TMCC2: variants seen among roughly 807,000 people sequenced by gnomAD.
TMCC2 encodes transmembrane and coiled-coil domain family 2.
In TMCC2, 16 loss-of-function variants were observed where a neutral mutation model predicts 49.4. The ratio of observed to expected loss-of-function variants is 0.32; its 90% confidence interval spans 0.22 to 0.49. TMCC2 has a LOEUF of 0.49. Ranked by LOEUF, TMCC2 falls within the 20% of genes least tolerant of loss-of-function variation. The pLI, the probability that TMCC2 is intolerant of heterozygous loss-of-function variation, is 0.99. For missense variants in TMCC2, 762 were observed against 989.8 expected (o/e 0.77, Z 3.09); for synonymous variants, 397 against 434.1 (o/e 0.91, Z 1.06).
chr1:205,261,882 G>C (rs1164014108), intron 2 of TMCC2, among the ~76,000 whole-genome samples: 3 of 152,042 alleles, frequency 2.0e-5, no homozygotes, highest in Admixed American at 6.6e-5. Context: ...ACCTTCCGCA[G>C]ACCCTGTATC....
At position 205,241,748 on chromosome 1, in the gene TMCC2, G is replaced by T; in HGVS notation, c.451G>T (p.Val151Leu). ...CGCCCGGCCCACCGCCTTCAACCGC[G>T]TGCTGCAGCAGATCCGCTCCCGGCC... The part of the protein sequence containing the change: ...LPARPTAFNR[V>L]LQQIRSRPSI... The change falls in exon 2 of 5, where the codon GTG becomes TTG. Residue 151 changes from valine to leucine, a missense_variant. Coordinates refer to ENST00000358024, the MANE Select transcript of TMCC2 (RefSeq NM_014858.4). The surrounding 1 kb of genome is among the most constrained non-coding windows in gnomAD (Gnocchi z 7.3). The T allele has an allele frequency of 6.2e-7, 1 of 1,612,868 alleles. No individual in the cohort carries two copies. Among genetic ancestry groups the T allele is most frequent in the Non-Finnish European group, 8.5e-7 (1 of 1,179,954 alleles).
At chr1:205,267,859 G>A (rs984954996) in intron 2 of TMCC2, 35 of 984,982 alleles carry the variant, frequency 3.6e-5, no homozygotes, top group South Asian at 1.4e-4. Context: ...AAAGCTGGGC[G>A]GCTAGTAGCC....
chr1:205,267,671 T>C (rs889783695), intron 2 of TMCC2, among the ~76,000 whole-genome samples: 3 of 152,130 alleles, frequency 2.0e-5, no homozygotes, highest in Admixed American at 2.0e-4. Flanking sequence ...TTTCCCATCT[T>C]TCCTATCTCC....
At position 205,264,368 on chromosome 1, in the gene TMCC2, G is replaced by A. The variant is rs550163534; in HGVS notation, c.748-4582G>A. 6.6e-6 allele frequency among the ~76,000 whole-genome samples: 1 copy of A among 152,230 alleles called. No individual in the cohort carries two copies. The highest frequency in any genetic ancestry group is 2.1e-4 in the South Asian group (1 of 4,824). ...GACGGAGTCTCTGTCACCCAGGCTG[G>A]AGTGCAGTGGTGCAGTCTTGGCTCA... On this transcript the variant is annotated intron_variant, in intron 2 of 4. Coordinates refer to ENST00000358024, the MANE Select transcript of TMCC2 (RefSeq NM_014858.4). This position sits in a 1 kb window ranked among gnomAD's most constrained non-coding sequence, Gnocchi z 4.2.
At chr1:205,266,241 A>C (rs1267300231) in intron 2 of TMCC2, among the ~76,000 whole-genome samples, 1 of 120,722 alleles carries the variant, frequency 8.3e-6, no homozygotes, top group South Asian at 2.6e-4. Flanking sequence ...ACTCTGTCTC[A>C]AAAAAAAAAA....
intron 3 of TMCC2, among the ~76,000 whole-genome samples, chr1:205,270,682 C>T (rs971489257): frequency 2.0e-5 from 3 of 152,206 alleles, no homozygotes; most frequent in South Asian, 2.1e-4. Flanking sequence ...CCTTCAGAGC[C>T]GGGATTGTGT....
chr1:205,272,350 T>G lies in TMCC2; in HGVS notation c.*226T>G. Reference sequence around the variant, plus strand: ...TACCTGGAGATAGTGCGGGCACCTGTGGCCAAGTGGAGCAGAGGTGGACAT... The same window carrying G: ...TACCTGGAGATAGTGCGGGCACCTGGGGCCAAGTGGAGCAGAGGTGGACAT... On this transcript the variant is annotated 3_prime_UTR_variant, in exon 5 of 5. Transcript: ENST00000358024. The G allele has an allele frequency of 1.2e-6, 1 of 816,724 alleles. No homozygotes were observed. The highest frequency in any genetic ancestry group is 1.9e-6 in the Non-Finnish European group (1 of 540,540). The allele number at this position is 816,724 out of a possible 1,614,324, so 50.6% of individuals were successfully genotyped here. A position where few individuals can be genotyped will look rare whatever the true frequency, so the allele number is the denominator to read the frequency against.
intron 2 of TMCC2, among the ~76,000 whole-genome samples, chr1:205,242,650 T>A (rs1236925391): frequency 6.6e-6 from 1 of 152,206 alleles, no homozygotes; most frequent in African/African-American, 2.4e-5. Context: ...ATTCTTATGT[T>A]GTGCTACAAG....
intron 2 of TMCC2, among the ~76,000 whole-genome samples, chr1:205,242,539 T>C (rs1171858514): frequency 3.9e-5 from 6 of 152,158 alleles, no homozygotes; most frequent in African/African-American, 9.7e-5. Context: ...CCAAAGAAGA[T>C]AGGGGATCCA....
chr1:205,241,725 C>T lies in TMCC2; in HGVS notation c.428C>T (p.Ala143Val). 2.5e-6 allele frequency: 4 copies of T among 1,613,376 alleles called. No homozygotes were observed. The highest frequency in any genetic ancestry group is 1.6e-4 in the Middle Eastern group (1 of 6,062). The change falls in exon 2 of 5, where the codon GCC becomes GTC. Residue 143 changes from alanine (A) to valine (V), a missense_variant. Ala to Val is a moderately conservative substitution (Grantham distance 64). This residue lies in a region of TMCC2 where 322 missense variants were observed against 353.1 expected (regional missense o/e 0.91). Coordinates refer to ENST00000358024, the MANE Select transcript of TMCC2 (RefSeq NM_014858.4). This position sits in a 1 kb window ranked among gnomAD's most constrained non-coding sequence, Gnocchi z 7.3. ...GCCATGTCCCTGCACGACCTGCCCG[C>T]CCGGCCCACCGCCTTCAACCGCGTG... ...SYAMSLHDLP[A>V]RPTAFNRVLQ... is the part of the protein sequence containing the mutation.
Position 205,239,941 on chromosome 1 carries a change from A to G in TMCC2, c.208-1564A>G, listed in dbSNP as rs538908285. On this transcript the variant is annotated intron_variant, in intron 1 of 4. Transcript: ENST00000358024. ...CTTTTTCTTGGTTTCTATATGGTCTAGATTTTCTGCTCTGTAAGTTTGTTT... is the reference window on the plus strand; with the variant it reads ...CTTTTTCTTGGTTTCTATATGGTCTGGATTTTCTGCTCTGTAAGTTTGTTT... 5.3e-5 allele frequency among the ~76,000 whole-genome samples: 8 copies of G among 152,184 alleles called. No homozygotes were observed. The East Asian group carries it at 1.5e-3, about 29-fold the overall frequency.
At chr1:205,254,522 T>C (rs1178975808) in intron 2 of TMCC2, among the ~76,000 whole-genome samples, 4 of 152,220 alleles carry the variant, frequency 2.6e-5, no homozygotes, top group Non-Finnish European at 5.9e-5. Context: ...AAAGCATTGC[T>C]CTGCTGCTAG....
chr1:205,241,820 A>G lies in TMCC2; in HGVS notation c.523A>G (p.Ser175Gly). The change falls in exon 2 of 5, where the codon AGC (serine) becomes GGC (glycine). Residue 175 changes from serine to glycine, a missense_variant. Coordinates refer to ENST00000358024, the MANE Select transcript of TMCC2 (RefSeq NM_014858.4). This position sits in a 1 kb window ranked among gnomAD's most constrained non-coding sequence, Gnocchi z 7.3. ...ASLHSSSGGG[S>G]SGSSSRRTKS... Reference sequence around the variant, plus strand: ...CCTGCACAGCAGCAGTGGGGGCGGCAGCAGCGGGAGCAGCAGCCGGCGCAC... The same window carrying G: ...CCTGCACAGCAGCAGTGGGGGCGGCGGCAGCGGGAGCAGCAGCCGGCGCAC... 1 of 1,601,610 alleles carries G rather than the reference A, an allele frequency of 6.2e-7. No homozygotes were observed. The highest frequency in any genetic ancestry group is 2.3e-5 in the East Asian group (1 of 44,340).
rs191577102 is a variant in TMCC2, at chr1:205,269,924, G to A, written c.1682+40G>A. ...ACCCCCTCCTGCAGCCCAGCCGGAC[G>A]TGGGATGAGGCAAGGAGCACTGGGT... On this transcript the variant is annotated intron_variant, in intron 3 of 4. Coordinates refer to ENST00000358024, the MANE Select transcript of TMCC2 (RefSeq NM_014858.4). 6.3e-4 allele frequency: 995 copies of A among 1,575,886 alleles called. 23 individuals are homozygous for A. The East Asian group carries it at 0.012, about 18-fold the overall frequency.
intron 2 of TMCC2, among the ~76,000 whole-genome samples, chr1:205,261,368 C>T (rs1457835548): frequency 1.5e-5 from 2 of 136,966 alleles, no homozygotes; most frequent in East Asian, 3.9e-4. Flanking sequence ...CCACACCTGG[C>T]TGTTTTTTTA....
chr1:205,232,537 C>A (rs2102519747), intron 1 of TMCC2, among the ~76,000 whole-genome samples: 1 of 152,276 alleles, frequency 6.6e-6, no homozygotes, highest in South Asian at 2.1e-4. Context: ...CAAAAGTACA[C>A]CACAATTCTA....
At chr1:205,270,765 G>T (rs1454662247) in intron 3 of TMCC2, among the ~76,000 whole-genome samples, 1 of 152,182 alleles carries the variant, frequency 6.6e-6, no homozygotes, top group African/African-American at 2.4e-5. Context: ...GTTGAAGTCA[G>T]CCAATCCTTA....
rs542602493 is a variant in TMCC2, at chr1:205,232,299, C to A, written c.207+3528C>A. ...TACATTGAGGGCCTTCTCAACTGTTCCACACACCTGTGGGACCTTCGGGGA... is the reference window on the plus strand; with the variant it reads ...TACATTGAGGGCCTTCTCAACTGTTACACACACCTGTGGGACCTTCGGGGA... On this transcript the variant is annotated intron_variant, in intron 1 of 4. Coordinates refer to ENST00000358024, the MANE Select transcript of TMCC2 (RefSeq NM_014858.4). Among the ~76,000 whole-genome samples the A allele has an allele frequency of 2.0e-5, 3 of 152,214 alleles. No individual in the cohort carries two copies. In the South Asian group the frequency reaches 6.2e-4, roughly 31 times the overall value.
intron 2 of TMCC2, among the ~76,000 whole-genome samples, chr1:205,251,006 A>G (rs1660646468): frequency 1.3e-5 from 2 of 152,332 alleles, no homozygotes; most frequent in South Asian, 4.1e-4. Context: ...ACGTGACCCC[A>G]GTCCCCTCTG....
Sources: allele counts gnomAD v4.1 joint callset (sites outside exome capture counted in the v4.1 genomes callset), GRCh38; gene constraint gnomAD v4.1.1; regional missense constraint gnomAD v4.1.1; non-coding constraint Gnocchi (gnomAD v3.1); transcripts MANE v1.5; gene names NCBI Gene and HGNC (gene_info 2026-07-23, HGNC 2026-07-21).